The following BICD1 variants were observed in gnomAD, a reference collection of about 807,000 sequenced individuals.
The protein encoded by BICD1 is protein bicaudal D homolog 1.
A neutral mutation model predicts 92.5 loss-of-function variants in BICD1; 35 were observed. The ratio of observed to expected loss-of-function variants is 0.38; its 90% CI spans 0.29 to 0.50. The LOEUF is 0.50. Ranked by LOEUF, BICD1 falls within the 20% of genes least tolerant of loss-of-function variation. BICD1 has a pLI of 0.93. For missense variants in BICD1, 950 were observed against 1,189.8 expected (o/e 0.80, Z 2.97); for synonymous variants, 429 against 465.1 (o/e 0.92, Z 1.00).
At chr12:32,290,454 C>A (rs1947695818) in intron 2 of BICD1, among the ~76,000 whole-genome samples, 4 of 152,130 alleles carry the variant, frequency 2.6e-5, no homozygotes, top group Admixed American at 2.6e-4. Context: ...AGCTTTCATT[C>A]CTATCAGACT....
At chr12:32,242,089 C>A (rs1946252537) in intron 2 of BICD1, among the ~76,000 whole-genome samples, 1 of 151,190 alleles carries the variant, frequency 6.6e-6, no homozygotes, top group Non-Finnish European at 1.5e-5. Flanking sequence ...ATGGTGTGCA[C>A]CTTTAGTCTC....
At chr12:32,226,602 C>T (rs938772375) in intron 2 of BICD1, among the ~76,000 whole-genome samples, 1 of 152,172 alleles carries the variant, frequency 6.6e-6, no homozygotes, top group African/African-American at 2.4e-5. Context: ...AGGGAGAGTG[C>T]AGGCTGAGTG....
chr12:32,337,204 G>A lies in BICD1; in HGVS notation c.2253-295G>A, dbSNP rs780777407. ...AGAGGTTACAGTGAGCCAAGATCAC[G>A]CCACTGCACTCCAGCCTGGGCGATA... On this transcript the variant is annotated intron_variant, in intron 6 of 9. Transcript: ENST00000652176. This position sits in a 1 kb window ranked among gnomAD's most constrained non-coding sequence, Gnocchi z 4.7. Among the ~76,000 whole-genome samples, 69 of 152,174 alleles carry A rather than the reference G, an allele frequency of 4.5e-4. No homozygotes were observed. Among genetic ancestry groups the A allele is most frequent in the African/African-American group, 1.6e-3 (67 of 41,512 alleles).
intron 1 of BICD1, among the ~76,000 whole-genome samples, chr12:32,195,536 C>A (rs34071539): frequency 0.028 from 4,335 of 152,260 alleles, 74 homozygotes; most frequent in Non-Finnish European, 0.04. Flanking sequence ...GGGAAAAGAT[C>A]ATCTCTTCAA....
chr12:32,127,251 T>C (rs1221545257), intron 1 of BICD1, among the ~76,000 whole-genome samples: 5 of 152,236 alleles, frequency 3.3e-5, no homozygotes, highest in Non-Finnish European at 7.3e-5. Context: ...CATGCACCTA[T>C]ATTGTCTTCT....
intron 6 of BICD1, among the ~76,000 whole-genome samples, chr12:32,335,600 A>C (rs1306108332): frequency 1.1e-5 from 1 of 89,368 alleles, no homozygotes; most frequent in Non-Finnish European, 2.2e-5. Context: ...TTTTTTTTTG[A>C]GATAGGGTCT....
At chr12:32,374,568 C>CTT (rs146526015) in intron 9 of BICD1, among the ~76,000 whole-genome samples, 5,835 of 124,872 alleles carry the variant, frequency 0.047, 339 homozygotes, top group East Asian at 0.26. Flanking sequence ...TTTCTTTCTT[C>CTT]TTTTTTTTTT....
At chr12:32,259,389 T>C (rs1283737561) in intron 2 of BICD1, among the ~76,000 whole-genome samples, 1 of 152,234 alleles carries the variant, frequency 6.6e-6, no homozygotes, top group African/African-American at 2.4e-5. Context: ...CTTAATAAGA[T>C]TGATTACGAT....
At chr12:32,127,778 TG>T (rs1337782359) in intron 1 of BICD1, among the ~76,000 whole-genome samples, 2 of 152,210 alleles carry the variant, frequency 1.3e-5, no homozygotes, top group Admixed American at 1.3e-4. Context: ...AGGAGGATAT[TG>T]AGGGTCTAGT....
rs904500208 is a variant in BICD1, at chr12:32,332,862, C to CT, written c.2101-1647dup. ...AAGGCCTATGTGGCTGGAAATAAGA[C>CT]TTTTTTTATTTAGAAAGTCAACTTT... On this transcript the variant is annotated intron_variant, in intron 5 of 9. Transcript: ENST00000652176. The CT allele has an allele frequency of 1.1e-5, 11 of 985,240 alleles. No individual in the cohort carries two copies. In the South Asian group the frequency reaches 1.9e-4, roughly 17 times the overall value. The allele number at this position is 985,240 out of a possible 1,614,324, so 61.0% of individuals were successfully genotyped here.
intron 1 of BICD1, among the ~76,000 whole-genome samples, chr12:32,153,380 A>G (rs1037913801): frequency 6.6e-6 from 1 of 152,150 alleles, no homozygotes; most frequent in Non-Finnish European, 1.5e-5. Context: ...TAAACATGTG[A>G]GTGCCCTTGT....
At chr12:32,112,645 A>C (rs759713174) in intron 1 of BICD1, among the ~76,000 whole-genome samples, 2 of 152,198 alleles carry the variant, frequency 1.3e-5, no homozygotes, top group East Asian at 1.9e-4. Flanking sequence ...GCATAGTCTT[A>C]GTATTAAATA....
At chr12:32,289,556 TTGTA>T (rs948335421) in intron 2 of BICD1, among the ~76,000 whole-genome samples, 6 of 152,178 alleles carry the variant, frequency 3.9e-5, no homozygotes, top group African/African-American at 1.2e-4. Context: ...CAGCTAATTT[TTGTA>T]TTCTTAGTAG....
chr12:32,263,732 C>T (rs968844742), intron 2 of BICD1, among the ~76,000 whole-genome samples: 2 of 152,100 alleles, frequency 1.3e-5, no homozygotes, highest in African/African-American at 4.8e-5. Context: ...ATTTTTCCTG[C>T]AGGAGTCATG....
intron 1 of BICD1, among the ~76,000 whole-genome samples, chr12:32,110,521 T>C (rs1034419251): frequency 7.2e-5 from 11 of 152,116 alleles, no homozygotes; most frequent in Non-Finnish European, 1.5e-4. Flanking sequence ...GGTTTTGTGA[T>C]TTCACAAGTA....
At chr12:32,122,518 A>G (rs1388032350) in intron 1 of BICD1, among the ~76,000 whole-genome samples, 1 of 151,990 alleles carries the variant, frequency 6.6e-6, no homozygotes, top group Non-Finnish European at 1.5e-5. Context: ...TAACAAAAAA[A>G]GAAGTAGAAC....
At chr12:32,310,099 T>G (rs1011065068) in intron 4 of BICD1, among the ~76,000 whole-genome samples, 1 of 152,224 alleles carries the variant, frequency 6.6e-6, no homozygotes, top group African/African-American at 2.4e-5. Flanking sequence ...CCAGGTGATA[T>G]GCAGCAGTTC....
chr12:32,368,369 C>G (rs1300192361), intron 9 of BICD1, among the ~76,000 whole-genome samples: 1 of 151,888 alleles, frequency 6.6e-6, no homozygotes, highest in Non-Finnish European at 1.5e-5. Flanking sequence ...AAAAACAAAA[C>G]AAAACAAAAA....
chr12:32,329,314 C>G (rs1937725278), intron 5 of BICD1, among the ~76,000 whole-genome samples: 1 of 152,028 alleles, frequency 6.6e-6, no homozygotes, highest in South Asian at 2.1e-4. Flanking sequence ...CTAGGCTGGT[C>G]TCGAACTCCT....
Sources: gnomAD v4.1 joint callset for allele counts (sites outside exome capture counted in the v4.1 genomes callset) on GRCh38, gnomAD v4.1.1 for gene constraint, Gnocchi (gnomAD v3.1) non-coding constraint, MANE v1.5 for transcripts, NCBI Gene and HGNC (gene_info 2026-07-23, HGNC 2026-07-21) for gene names.